SREBF2: variants seen among roughly 807,000 people sequenced by gnomAD.
SREBF2 encodes the protein sterol regulatory element binding transcription factor 2, also known as sterol regulatory element-binding protein 2.
In SREBF2, 55 loss-of-function variants were observed where a neutral mutation model predicts 113.1. The ratio of observed to expected loss-of-function variants is 0.49; its 90% CI spans 0.39 to 0.61. The LOEUF (loss-of-function observed/expected upper bound fraction) is 0.61, where lower values mean the gene tolerates loss of function less well. Ranked by LOEUF, SREBF2 falls within the 20% of genes least tolerant of loss-of-function variation. The probability of loss-of-function intolerance (pLI) is 0.00; values close to 1 mark genes in which losing one functional copy is unlikely to be tolerated. For missense variants in SREBF2, 1,349 were observed against 1,487.4 expected, an observed-to-expected ratio of 0.91 and a Z score of 1.53; for synonymous variants, 593 against 605.7, an observed-to-expected ratio of 0.98 and a Z score of 0.31.
intron 1 of SREBF2, among the ~76,000 whole-genome samples, chr22:41,856,747 C>A (rs561831143): frequency 6.6e-6 from 1 of 152,132 alleles, no homozygotes; most frequent in Admixed American, 6.5e-5. Context: ...GGGAGCAGTT[C>A]ATAGGAAGCT....
intron 1 of SREBF2, among the ~76,000 whole-genome samples, chr22:41,842,677 G>A (rs774524996): frequency 1.2e-4 from 19 of 152,254 alleles, no homozygotes; most frequent in South Asian, 8.3e-4. Context: ...CATAGTTGTC[G>A]CAAGAATCCA....
At chr22:41,885,096 C>G (rs974113551) in intron 11 of SREBF2, 85 bp downstream of exon 11, 56 of 1,523,326 alleles carry the variant, frequency 3.7e-5, no homozygotes, top group Admixed American at 3.6e-4. Context: ...GTTATGAACC[C>G]CCTTCCCCAT....
intron 2 of SREBF2, among the ~76,000 whole-genome samples, chr22:41,868,203 A>C (rs1220163491): frequency 6.6e-6 from 1 of 152,176 alleles, no homozygotes; most frequent in Non-Finnish European, 1.5e-5. Context: ...GGAGTTCAAG[A>C]ATTGGGACAG....
intron 15 of SREBF2, chr22:41,899,964 TG>T (rs3833965): frequency 3.0e-5 from 36 of 1,196,478 alleles, no homozygotes; most frequent in Middle Eastern, 3.7e-4. Context: ...ACCACATCTC[TG>T]GGGGGGTGGT....
intron 1 of SREBF2, among the ~76,000 whole-genome samples, chr22:41,855,219 G>A (rs541814292): frequency 6.6e-6 from 1 of 152,168 alleles, no homozygotes; most frequent in African/African-American, 2.4e-5. Context: ...GAATAAGATT[G>A]CAAATTTAAA....
intron 1 of SREBF2, among the ~76,000 whole-genome samples, chr22:41,858,402 G>C (rs1012360205): frequency 2.6e-5 from 4 of 152,138 alleles, no homozygotes; most frequent in African/African-American, 9.7e-5. Flanking sequence ...TGTATAGTCA[G>C]TTCTGCTATA....
chr22:41,881,897 C>A (rs1228691426), intron 10 of SREBF2, among the ~76,000 whole-genome samples: 2 of 152,052 alleles, frequency 1.3e-5, no homozygotes, highest in Non-Finnish European at 2.9e-5. Flanking sequence ...CGTGGCAAAA[C>A]CCCATTTCTA....
chr22:41,897,813 G>C (rs1273956365), intron 14 of SREBF2, among the ~76,000 whole-genome samples: 1 of 152,194 alleles, frequency 6.6e-6, no homozygotes, highest in Non-Finnish European at 1.5e-5. Context: ...TGTGGCCTCT[G>C]TTTTCAAGTT....
At chr22:41,842,729 C>A (rs557964399) in intron 1 of SREBF2, among the ~76,000 whole-genome samples, 1 of 152,270 alleles carries the variant, frequency 6.6e-6, no homozygotes, top group South Asian at 2.1e-4. Context: ...GTGGCTCATG[C>A]CTATAATCCC....
rs966900648 is a variant in SREBF2, at chr22:41,902,863, C to G, written c.2908-107C>G. On this transcript the variant is annotated intron_variant, in intron 16 of 18. Transcript: ENST00000361204. ...GACTCTGGGGCTCTCCACTTCCTCC[C>G]AGAGCTGCTGAGTGTTGGTCTGGGG... is the stretch of plus-strand genomic sequence containing the variant. The G allele has an allele frequency of 1.2e-5, 15 of 1,254,098 alleles. No homozygotes were observed. In the African/African-American group the frequency reaches 1.9e-4, roughly 16 times the overall value. The allele number at this position is 1,254,098 out of a possible 1,614,324, so 77.7% of individuals were successfully genotyped here. A position where few individuals can be genotyped will look rare whatever the true frequency, so the allele number is the denominator to read the frequency against.
chr22:41,848,525 A>G (rs2076899021), intron 1 of SREBF2, among the ~76,000 whole-genome samples: 1 of 152,180 alleles, frequency 6.6e-6, no homozygotes, highest in Non-Finnish European at 1.5e-5. Flanking sequence ...TGGCTGCAGC[A>G]AGGGTGGGGC....
intron 1 of SREBF2, among the ~76,000 whole-genome samples, chr22:41,842,153 C>T (rs1039017390): frequency 6.6e-6 from 1 of 152,180 alleles, no homozygotes; most frequent in African/African-American, 2.4e-5. Flanking sequence ...ATAGTACATT[C>T]ATATGAATCA....
At chr22:41,899,147 A>G in intron 15 of SREBF2, 1 of 1,002,690 alleles carries the variant, frequency 1.0e-6, no homozygotes, top group Non-Finnish European at 1.3e-6. Flanking sequence ...GTTCACAATC[A>G]GTGCAGAGAG....
chr22:41,853,709 T>C (rs1160366900), intron 1 of SREBF2, among the ~76,000 whole-genome samples: 1 of 152,216 alleles, frequency 6.6e-6, no homozygotes, highest in Non-Finnish European at 1.5e-5. Context: ...TATTCCATTA[T>C]GAGGTGAAAC....
rs1050382709 is a variant in SREBF2, at chr22:41,873,882, G to C, written c.952G>C (p.Gly318Arg). 1.2e-6 allele frequency: 2 copies of C among 1,613,870 alleles called. No individual in the cohort carries two copies. Among genetic ancestry groups the C allele is most frequent in the African/African-American group, 2.7e-5 (2 of 74,916 alleles). The stretch of plus-strand genomic sequence containing the variant: ...GAAAGTGCCCATTAAGCAGGTACCT[G>C]GGGGAGTCAAGCAGCTTGAGCCCCC... ...QEKVPIKQVP[G>R]GVKQLEPPKE... Residue 318 changes from glycine to arginine, a missense_variant, in exon 5 of 19, where the codon GGG becomes CGG. This residue lies in a region of SREBF2 where 699 missense variants were observed against 843.3 expected (regional missense o/e 0.83). Coordinates refer to ENST00000361204, the MANE Select transcript of SREBF2 (RefSeq NM_004599.4).
At chr22:41,862,684 A>G (rs1053706471) in intron 1 of SREBF2, among the ~76,000 whole-genome samples, 8 of 152,180 alleles carry the variant, frequency 5.3e-5, no homozygotes, top group South Asian at 2.1e-4. Flanking sequence ...ACAAAGCACA[A>G]CTACACCCTG....
chr22:41,879,206 A>G (rs951368724), intron 9 of SREBF2, among the ~76,000 whole-genome samples: 1 of 152,224 alleles, frequency 6.6e-6, no homozygotes, highest in Non-Finnish European at 1.5e-5. Flanking sequence ...GATGATGGCA[A>G]GGACCTGGAA....
At chr22:41,900,224 C>T in intron 15 of SREBF2, 106 bp from the exon 16 acceptor site, 1 of 1,550,238 alleles carries the variant, frequency 6.5e-7, no homozygotes, top group Admixed American at 1.9e-5. Context: ...AACAGATGCA[C>T]ATGTCATATC....
chr22:41,852,211 A>G (rs1478012417), intron 1 of SREBF2, among the ~76,000 whole-genome samples: 1 of 151,030 alleles, frequency 6.6e-6, no homozygotes. Flanking sequence ...GGAAAAAACC[A>G]GAAAAAAAAA....
Sources: gnomAD v4.1 joint callset for allele counts (sites outside exome capture counted in the v4.1 genomes callset) on GRCh38, gnomAD v4.1.1 for gene constraint, gnomAD v4.1.1 regional missense constraint, MANE v1.5 for transcripts, NCBI Gene and HGNC (gene_info 2026-07-23, HGNC 2026-07-21) for gene names.